PRDM2: variants seen among roughly 807,000 people sequenced by gnomAD.
PRDM2 encodes PR domain zinc finger protein 2.
Under a neutral mutation model 130.0 loss-of-function variants are expected in PRDM2, and 30 were observed. The observed-to-expected ratio is 0.23, with a 90% CI of 0.17 to 0.31. PRDM2 has a LOEUF of 0.31. Ranked by LOEUF, PRDM2 falls within the 10% of genes least tolerant of loss-of-function variation. The pLI, the probability that PRDM2 is intolerant of heterozygous loss-of-function variation, is 1.00. For missense variants in PRDM2, 2,011 were observed against 2,108.4 expected, an observed-to-expected ratio of 0.95 and a Z score of 0.90; for synonymous variants, 871 against 782.4, an observed-to-expected ratio of 1.11 and a Z score of -1.89.
intron 1 of PRDM2, among the ~76,000 whole-genome samples, chr1:13,706,358 C>A (rs139542624): frequency 6.6e-6 from 1 of 152,172 alleles, no homozygotes; most frequent in Admixed American, 6.5e-5. Flanking sequence ...ATTTTTCTTG[C>A]CAACACTGCC....
chr1:13,799,936 A>T (rs1644981553), intron 8 of PRDM2, among the ~76,000 whole-genome samples: 1 of 152,234 alleles, frequency 6.6e-6, no homozygotes, highest in African/African-American at 2.4e-5. Flanking sequence ...AAGGCATAGG[A>T]GGATTTTGTA....
intron 2 of PRDM2, among the ~76,000 whole-genome samples, chr1:13,722,578 G>A (rs116605794): frequency 0.018 from 2,734 of 152,134 alleles, 62 homozygotes; most frequent in South Asian, 0.12. Context: ...CCCACAGTTT[G>A]TTGCTTTGGA....
At chr1:13,793,404 C>T (rs1179776862) in intron 8 of PRDM2, among the ~76,000 whole-genome samples, 1 of 152,214 alleles carries the variant, frequency 6.6e-6, no homozygotes. Context: ...AGGAAATTGC[C>T]AGGTCTTAGT....
chr1:13,753,377 A>G (rs918117258), intron 6 of PRDM2, among the ~76,000 whole-genome samples: 9 of 152,238 alleles, frequency 5.9e-5, no homozygotes, highest in African/African-American at 1.7e-4. Flanking sequence ...GCTATAGCTT[A>G]TAAGTATTTA....
chr1:13,796,430 T>C (rs982591742), intron 8 of PRDM2, among the ~76,000 whole-genome samples: 1 of 152,144 alleles, frequency 6.6e-6, no homozygotes, highest in Admixed American at 6.5e-5. Context: ...TTCCAGAACA[T>C]GGATTTGTGG....
rs2100661523 is a variant in PRDM2 at position 13,779,501 on chromosome 1, A to G, written c.1706A>G (p.Tyr569Cys). Residue 569 changes from tyrosine (Y) to cysteine (C), a missense_variant, in exon 8 of 10, where the codon TAT becomes TGT. Tyr to Cys is a radical substitution (Grantham distance 194). This residue lies in a region of PRDM2 where 1,288 missense variants were observed against 1,237.7 expected (regional missense o/e 1.04). Transcript: ENST00000311066. This position sits in a 1 kb window ranked among gnomAD's most constrained non-coding sequence, Gnocchi z 4.9. ...AATATCTCTGAAAACTTAAATTACT[A>G]TATTGATGGTAAAATTCAAACTAAT... ...SSNISENLNY[Y>C]IDGKIQTNNN... The G allele has an allele frequency of 1.2e-6, 2 of 1,614,092 alleles. No homozygotes were observed. Among genetic ancestry groups the G allele is most frequent in the Non-Finnish European group, 1.7e-6 (2 of 1,179,942 alleles).
intron 2 of PRDM2, among the ~76,000 whole-genome samples, chr1:13,727,926 A>G (rs1028018423): frequency 2.0e-5 from 3 of 152,168 alleles, no homozygotes; most frequent in Non-Finnish European, 1.5e-5. Context: ...GTTTATGAGT[A>G]TGTGGGGGAG....
At chr1:13,802,920 G>A (rs752013317) in intron 8 of PRDM2, among the ~76,000 whole-genome samples, 7 of 152,230 alleles carry the variant, frequency 4.6e-5, no homozygotes, top group African/African-American at 7.2e-5. Flanking sequence ...GGCTGCAGGG[G>A]AGCGTGTGAT....
At chr1:13,766,109 C>G (rs796493221) in intron 6 of PRDM2, among the ~76,000 whole-genome samples, 32 of 152,282 alleles carry the variant, frequency 2.1e-4, no homozygotes, top group African/African-American at 7.7e-4. Context: ...TCTTTTTGCT[C>G]CAGAGTGTTC....
rs1217201570 is a variant in PRDM2 at position 13,806,864 on chromosome 1, G to C, written c.5037-9563G>C. On this transcript the variant is annotated intron_variant, in intron 8 of 9. Transcript: ENST00000311066. The surrounding 1 kb of genome is among the most constrained non-coding windows in gnomAD (Gnocchi z 4.1). ...TGCCCACATCACCTCAGACATTCCT[G>C]GTGGGTCTCACCTCAGGGCCTTTGC... Among the ~76,000 whole-genome samples, 1 of 152,046 alleles carries C rather than the reference G, an allele frequency of 6.6e-6. No homozygotes were observed. Among genetic ancestry groups the C allele is most frequent in the Non-Finnish European group, 1.5e-5 (1 of 68,018 alleles).
intron 7 of PRDM2, among the ~76,000 whole-genome samples, chr1:13,774,904 C>G (rs922330571): frequency 2.7e-5 from 4 of 150,696 alleles, no homozygotes; most frequent in Non-Finnish European, 5.9e-5. Context: ...GGAGGCGGAG[C>G]TTGCAGTGAG....
chr1:13,700,438 C>A (rs1642034147), intron 1 of PRDM2, 138 bp downstream of exon 1: 1 of 150,248 alleles, frequency 6.7e-6, no homozygotes, highest in Non-Finnish European at 1.5e-5. Context: ...GGCGGACGCG[C>A]CCCCTCAGAG....
At chr1:13,750,289 A>T (rs1021370865) in intron 6 of PRDM2, among the ~76,000 whole-genome samples, 1 of 151,996 alleles carries the variant, frequency 6.6e-6, no homozygotes, top group Admixed American at 6.6e-5. Flanking sequence ...TTTAATGTGA[A>T]TTGGGGAATA....
intron 4 of PRDM2, among the ~76,000 whole-genome samples, chr1:13,741,523 T>C (rs949026854): frequency 1.3e-5 from 2 of 152,300 alleles, no homozygotes; most frequent in Non-Finnish European, 1.5e-5. Flanking sequence ...CTGAATTGTA[T>C]AGCCCTGCAG....
intron 2 of PRDM2, among the ~76,000 whole-genome samples, chr1:13,719,838 A>C (rs909446014): frequency 1.3e-5 from 2 of 152,104 alleles, no homozygotes; most frequent in East Asian, 3.9e-4. Flanking sequence ...TCTTGTTTGC[A>C]AATCTATACA....
At chr1:13,741,720 TTGTGTGTGTGTGTGTG>T (rs200384633) in intron 4 of PRDM2, among the ~76,000 whole-genome samples, 51 of 112,538 alleles carry the variant, frequency 4.5e-4, no homozygotes, top group East Asian at 3.0e-3. Context: ...CTCTTTAAGT[TTGTGTGTGTGTGTGTG>T]TGTGTGTGTG....
intron 8 of PRDM2, among the ~76,000 whole-genome samples, chr1:13,797,299 CTTATG>C (rs1230985868): frequency 3.3e-5 from 5 of 152,140 alleles, no homozygotes; most frequent in East Asian, 1.9e-4. Context: ...TGTCTTCATT[CTTATG>C]TTAGGCTCCT....
chr1:13,714,300 A>G (rs1198205164), intron 1 of PRDM2, among the ~76,000 whole-genome samples: 3 of 151,974 alleles, frequency 2.0e-5, no homozygotes, highest in Non-Finnish European at 4.4e-5. Flanking sequence ...TTAAAATGTA[A>G]AGGAATGGAC....
At position 13,778,466 on chromosome 1, in the gene PRDM2, C is replaced by T. The variant is rs367857306; in HGVS notation, c.671C>T (p.Pro224Leu). Reference sequence around the variant, plus strand: ...CCTTCAGCCTCAGCACTTGAGCAGCCGGCCACCCTCCAGGAGGTGGCCAGT... The same window carrying T: ...CCTTCAGCCTCAGCACTTGAGCAGCTGGCCACCCTCCAGGAGGTGGCCAGT... ...EKPSASALEQ[P>L]ATLQEVASQE... The change falls in exon 8 of 10, where the codon CCG becomes CTG. Residue 224 changes from proline to leucine, a missense_variant. Physicochemically the swap from Pro to Leu is moderately conservative, Grantham distance 98. Coordinates refer to ENST00000311066, the MANE Select transcript of PRDM2 (RefSeq NM_001393986.1). The T allele has an allele frequency of 1.5e-4, 238 of 1,613,868 alleles. 1 individual carries two copies. In the South Asian group the frequency reaches 2.3e-3, roughly 15 times the overall value.
Sources: allele counts gnomAD v4.1 joint callset (sites outside exome capture counted in the v4.1 genomes callset), GRCh38; gene constraint gnomAD v4.1.1; regional missense constraint gnomAD v4.1.1; non-coding constraint Gnocchi (gnomAD v3.1); transcripts MANE v1.5; gene names NCBI Gene and HGNC (gene_info 2026-07-23, HGNC 2026-07-21).